The following TMEM17 variants were observed in gnomAD, a reference collection of about 807,000 sequenced individuals.
TMEM17 encodes transmembrane protein 17.
In TMEM17, 15 loss-of-function variants were observed where a neutral mutation model predicts 19.1. The observed-to-expected ratio is 0.78, with a 90% confidence interval of 0.52 to 1.21. The LOEUF (loss-of-function observed/expected upper bound fraction) is 1.21, where lower values mean the gene tolerates loss of function less well. Ranked by LOEUF, TMEM17 falls within the 50% of genes most tolerant of loss-of-function variation. The probability of loss-of-function intolerance (pLI) is 0.00; values close to 1 mark genes in which losing one functional copy is unlikely to be tolerated. For synonymous variants in TMEM17, 103 were observed against 86.9 expected (o/e 1.19, Z -1.03); for missense variants, 245 against 242.3 (o/e 1.01, Z -0.07).
At chr2:62,456,249 C>T in the TMEM17 span, among the ~76,000 whole-genome samples, 1 of 152,226 alleles carries the variant, frequency 6.6e-6, no homozygotes, top group African/African-American at 2.4e-5. Flanking sequence ...AATCTGAAAT[C>T]AGTTTCACTG....
chr2:62,456,415 GCTTC>G, the TMEM17 span, among the ~76,000 whole-genome samples: 1 of 152,120 alleles, frequency 6.6e-6, no homozygotes, highest in African/African-American at 2.4e-5. Context: ...CTCTCTGTCT[GCTTC>G]CTTTGTCATA....
At chr2:62,479,802 G>A in the TMEM17 span, among the ~76,000 whole-genome samples, 2 of 148,962 alleles carry the variant, frequency 1.3e-5, no homozygotes, top group Admixed American at 6.8e-5. Flanking sequence ...TAGGAGTATC[G>A]CTTGAGCACA....
the TMEM17 span, among the ~76,000 whole-genome samples, chr2:62,475,625 T>C: frequency 1.3e-5 from 2 of 152,360 alleles, no homozygotes; most frequent in East Asian, 3.9e-4. Flanking sequence ...AGCTCACGTT[T>C]CCTTTCTCAG....
the TMEM17 span, among the ~76,000 whole-genome samples, chr2:62,466,722 CTT>C: frequency 2.0e-5 from 3 of 152,162 alleles, no homozygotes; most frequent in Non-Finnish European, 4.4e-5. Context: ...CCTGGCAGGG[CTT>C]TGCGCTGACC....
chr2:62,466,551 A>C, the TMEM17 span, among the ~76,000 whole-genome samples: 2 of 152,166 alleles, frequency 1.3e-5, no homozygotes, highest in African/African-American at 4.8e-5. Flanking sequence ...CAAGCTCACC[A>C]TATGGGGGAG....
At chr2:62,458,563 C>T in the TMEM17 span, among the ~76,000 whole-genome samples, 20 of 152,212 alleles carry the variant, frequency 1.3e-4, no homozygotes, top group African/African-American at 4.3e-4. Flanking sequence ...TGACCCATCT[C>T]GAAGCATTGT....
chr2:62,487,356 T>A, the TMEM17 span, among the ~76,000 whole-genome samples: 1 of 152,250 alleles, frequency 6.6e-6, no homozygotes, highest in Non-Finnish European at 1.5e-5. Context: ...ATTTCGGTTC[T>A]CTTGTGATTG....
At chr2:62,501,998 C>T (rs1164353076) in intron 3 of TMEM17, 1 of 165,202 alleles carries the variant, frequency 6.1e-6, no homozygotes, top group Admixed American at 5.8e-5. Flanking sequence ...TATCCCTATA[C>T]TCTGGTAACC....
At chr2:62,489,010 T>A in the TMEM17 span, among the ~76,000 whole-genome samples, 1 of 152,176 alleles carries the variant, frequency 6.6e-6, no homozygotes, top group Non-Finnish European at 1.5e-5. Context: ...ACGGACACCC[T>A]TACCAGGTGA....
the TMEM17 span, among the ~76,000 whole-genome samples, chr2:62,456,433 C>G: frequency 6.6e-6 from 1 of 152,204 alleles, no homozygotes; most frequent in East Asian, 1.9e-4. Context: ...TGTCATATGG[C>G]TTTGTTTGTC....
At position 62,501,229 on chromosome 2, in the gene TMEM17, A is replaced by T. The variant is rs773660463; in HGVS notation, c.577T>A (p.Ser193Thr). The change falls in exon 4 of 4, where the codon TCA becomes ACA. Residue 193 changes from serine (S) to threonine (T), a missense_variant. Physicochemically the swap from Ser to Thr is moderately conservative, Grantham distance 58. Coordinates refer to ENST00000335390, the MANE Select transcript of TMEM17 (RefSeq NM_198276.3). ...CTGGATCAGATCTCTTCTATACATG[A>T]CCTCATCCTTCTCATGTCTCCTCTG... Reference protein sequence around the residue: ...ANRGDMRRMRSCIEEI With the variant: ...ANRGDMRRMRTCIEEI 1.2e-6 allele frequency: 2 copies of T among 1,614,024 alleles called. No homozygotes were observed. The highest frequency in any genetic ancestry group is 1.7e-5 in the Admixed American group (1 of 60,008).
chr2:62,458,725 T>G, the TMEM17 span, among the ~76,000 whole-genome samples: 4 of 152,200 alleles, frequency 2.6e-5, no homozygotes, highest in African/African-American at 9.7e-5. Flanking sequence ...GGTGAGGTTC[T>G]TGCTACTCCT....
chr2:62,504,010 C>A (rs561905973), intron 1 of TMEM17, among the ~76,000 whole-genome samples: 1 of 152,190 alleles, frequency 6.6e-6, no homozygotes, highest in Non-Finnish European at 1.5e-5. Flanking sequence ...AGAGCAGACA[C>A]ATATATTGAA....
chr2:62,494,517 T>A, the TMEM17 span, among the ~76,000 whole-genome samples: 1 of 152,286 alleles, frequency 6.6e-6, no homozygotes, highest in East Asian at 1.9e-4. Context: ...TATCAAATAT[T>A]TTTCTCTTTT....
intron 3 of TMEM17, chr2:62,501,780 A>C (rs1679936089): frequency 3.9e-6 from 1 of 258,872 alleles, no homozygotes; most frequent in African/African-American, 2.2e-5. Context: ...TGAAAGAAAG[A>C]CCTCAGGGAG....
the TMEM17 span, among the ~76,000 whole-genome samples, chr2:62,466,246 G>A: frequency 1.3e-5 from 2 of 152,164 alleles, no homozygotes; most frequent in Non-Finnish European, 2.9e-5. Context: ...GTAGTGGTGG[G>A]GGAGGGGTTC....
chr2:62,459,976 A>T, the TMEM17 span, among the ~76,000 whole-genome samples: 3 of 152,238 alleles, frequency 2.0e-5, no homozygotes, highest in South Asian at 6.2e-4. Context: ...TCAGGTCCTG[A>T]TGAAATGGTT....
At chr2:62,497,500 T>G (rs1014630000), downstream of TMEM17, among the ~76,000 whole-genome samples, 2 of 152,240 alleles carry the variant, frequency 1.3e-5, no homozygotes, top group African/African-American at 2.4e-5. Flanking sequence ...AGTCACTATT[T>G]TTTGTTCTTA....
At chr2:62,467,179 C>T in the TMEM17 span, among the ~76,000 whole-genome samples, 4 of 151,974 alleles carry the variant, frequency 2.6e-5, no homozygotes, top group African/African-American at 7.3e-5. Context: ...CTTAGCCAGT[C>T]CTGTTGCAGC....
Sources: gnomAD v4.1 joint callset for allele counts (sites outside exome capture counted in the v4.1 genomes callset) on GRCh38, gnomAD v4.1.1 for gene constraint, MANE v1.5 for transcripts, NCBI Gene and HGNC (gene_info 2026-07-23, HGNC 2026-07-21) for gene names.